Variants in RUNDC3A observed in about 807,000 individuals in gnomAD.
RUNDC3A encodes RUN domain containing 3A.
A neutral mutation model predicts 53.9 loss-of-function variants in RUNDC3A; 28 were observed. The ratio of observed to expected loss-of-function variants is 0.52; its 90% CI spans 0.38 to 0.71. The LOEUF (loss-of-function observed/expected upper bound fraction) is 0.71, where lower values mean the gene tolerates loss of function less well. Among genes scored for constraint, RUNDC3A ranks in the 30% least tolerant of loss-of-function variants. RUNDC3A has a pLI of 0.00. For missense variants in RUNDC3A, 491 were observed against 597.3 expected, an observed-to-expected ratio of 0.82 and a Z score of 1.85; for synonymous variants, 232 against 249.4, an observed-to-expected ratio of 0.93 and a Z score of 0.66.
intron 10 of RUNDC3A, 96 bp downstream of exon 10, chr17:44,316,821 T>TTA: frequency 1.2e-4 from 3 of 25,124 alleles, no homozygotes; most frequent in Non-Finnish European, 2.0e-4. Flanking sequence ...TCTCTTAGTC[T>TTA]TTTTTTTTTT....
At chr17:44,309,692 GC>G (rs2047713859) in intron 1 of RUNDC3A, among the ~76,000 whole-genome samples, 1 of 152,094 alleles carries the variant, frequency 6.6e-6, no homozygotes, top group African/African-American at 2.4e-5. Context: ...TCCCCCTGCA[GC>G]CCACACCTGC....
intron 10 of RUNDC3A, chr17:44,317,070 T>C: frequency 2.6e-6 from 1 of 380,250 alleles, no homozygotes; most frequent in Middle Eastern, 7.6e-4. Flanking sequence ...GGTCTCGAAC[T>C]CCTGACCTCA....
intron 4 of RUNDC3A, 57 bp downstream of exon 4, chr17:44,313,560 A>C: frequency 6.4e-7 from 1 of 1,566,864 alleles, no homozygotes. Flanking sequence ...GCATTGCCCA[A>C]ACACAGCTGA....
intron 10 of RUNDC3A, chr17:44,317,412 A>G: frequency 1.3e-6 from 1 of 780,014 alleles, no homozygotes; most frequent in East Asian, 2.4e-5. Context: ...TCCTTAGACT[A>G]ATTTGCTCTT....
Position 44,315,305 on chromosome 17 carries a change from C to T in RUNDC3A, c.780C>T (p.Ile260=). The T allele has an allele frequency of 6.7e-7, 1 of 1,481,596 alleles. No individual in the cohort carries two copies. The highest frequency in any genetic ancestry group is 9.0e-7 in the Non-Finnish European group (1 of 1,108,294). 91.8% of individuals were successfully genotyped at this position (1,481,596 alleles called of 1,614,324 possible). The part of the protein sequence containing the change: ...KWHKMEQKFR[I]VYAQKGYLEE... ...ACAAGATGGAGCAGAAGTTCCGCATCGTCTACGCGCAGAAGGTGCGCGACG... is the reference window on the plus strand; with the variant it reads ...ACAAGATGGAGCAGAAGTTCCGCATTGTCTACGCGCAGAAGGTGCGCGACG... The change falls in exon 7 of 11, where the codon ATC becomes ATT. Residue 260 remains isoleucine (I), a synonymous_variant. Coordinates refer to ENST00000426726, the MANE Select transcript of RUNDC3A (RefSeq NM_001144825.2). This position sits in a 1 kb window ranked among gnomAD's most constrained non-coding sequence, Gnocchi z 6.1.
Position 44,308,855 on chromosome 17 carries a change from C to T in RUNDC3A, c.23C>T (p.Thr8Ile), listed in dbSNP as rs1010495720. 1 of 1,610,900 alleles carries T rather than the reference C, an allele frequency of 6.2e-7. No individual in the cohort carries two copies. MEASFVQ[T>I]TMALGLSSKK... is the part of the protein sequence containing the mutation. The stretch of plus-strand genomic sequence containing the variant: ...TGGATGGAAGCGAGCTTTGTCCAGA[C>T]CACCATGGCTCTGGGGCTGTCCTCC... The change falls in exon 1 of 11, where the codon ACC becomes ATC. Residue 8 changes from threonine (T) to isoleucine (I), a missense_variant. Physicochemically the swap from Thr to Ile is moderately conservative, Grantham distance 89. Coordinates refer to ENST00000426726, the MANE Select transcript of RUNDC3A (RefSeq NM_001144825.2).
In RUNDC3A at chr17:44,318,207, C is replaced by T; in HGVS notation, c.1310C>T (p.Pro437Leu). 1 of 1,551,250 alleles carries T rather than the reference C, an allele frequency of 6.4e-7. No individual in the cohort carries two copies. The highest frequency in any genetic ancestry group is 8.7e-7 in the Non-Finnish European group (1 of 1,146,980). Residue 437 changes from proline to leucine, a missense_variant, in exon 11 of 11, where the codon CCC becomes CTC. By Grantham distance (98) the Pro-to-Leu change is moderately conservative (BLOSUM62 -3). Transcript: ENST00000426726. ...AACGAGTGCCTGGTGAGCGACAGTC[C>T]CGAGGGCAGCCCAGCACTGAGCCCC... ...KSNECLVSDS[P>L]EGSPALSPS
intron 10 of RUNDC3A, chr17:44,317,472 C>G (rs567472219): frequency 2.6e-6 from 2 of 780,784 alleles, no homozygotes; most frequent in African/African-American, 3.4e-5. Context: ...TCCCCCTTCT[C>G]TTTGGCTGCC....
intron 1 of RUNDC3A, among the ~76,000 whole-genome samples, chr17:44,309,233 G>C (rs902475213): frequency 2.0e-5 from 3 of 152,084 alleles, no homozygotes; most frequent in Non-Finnish European, 2.9e-5. Flanking sequence ...GAGGGGGAAG[G>C]GGGTGGGGAT....
At position 44,315,110 on chromosome 17, in the gene RUNDC3A, G is replaced by T. The variant is rs965394422; in HGVS notation, c.630-45G>T. The T allele has an allele frequency of 9.4e-6, 15 of 1,602,224 alleles. No homozygotes were observed. Among genetic ancestry groups the T allele is most frequent in the Non-Finnish European group, 1.3e-5 (15 of 1,174,086 alleles). On this transcript the variant is annotated intron_variant, in intron 6 of 10. Coordinates refer to ENST00000426726, the MANE Select transcript of RUNDC3A (RefSeq NM_001144825.2). This position sits in a 1 kb window ranked among gnomAD's most constrained non-coding sequence, Gnocchi z 6.1. Reference sequence around the variant, plus strand: ...CCTCAGCGGCCAGCGCAGACGCGCGGGGGGAGGGGCGGGACCGGCCGTGCC... The same window carrying T: ...CCTCAGCGGCCAGCGCAGACGCGCGTGGGGAGGGGCGGGACCGGCCGTGCC...
chr17:44,309,550 G>A (rs1040281714), intron 1 of RUNDC3A, among the ~76,000 whole-genome samples: 61 of 152,214 alleles, frequency 4.0e-4, no homozygotes, highest in African/African-American at 1.3e-3. Context: ...AGGGTGGAAC[G>A]GTTGCAGGGT....
chr17:44,312,453 T>C, intron 1 of RUNDC3A, 127 bp from the exon 2 acceptor site: 1 of 631,068 alleles, frequency 1.6e-6, no homozygotes, highest in Non-Finnish European at 2.9e-6. Flanking sequence ...CCCCACTCGC[T>C]CTGCCCCCCA....
chr17:44,313,896 C>G (rs568817345), intron 4 of RUNDC3A: 1 of 898,218 alleles, frequency 1.1e-6, no homozygotes, highest in Non-Finnish European at 1.3e-6. Context: ...TCTCAAACTC[C>G]CAACCTCAGG....
intron 3 of RUNDC3A, 43 bp from the exon 4 acceptor site, chr17:44,313,375 G>A (rs1350134915): frequency 2.5e-6 from 4 of 1,613,036 alleles, no homozygotes; most frequent in Non-Finnish European, 3.4e-6. Context: ...CTGGACACAT[G>A]AGTCCCTCTG....
intron 4 of RUNDC3A, 175 bp downstream of exon 4, chr17:44,313,678 C>CTTTTTT (rs1173378367): frequency 5.5e-6 from 6 of 1,082,692 alleles, no homozygotes; most frequent in Non-Finnish European, 5.7e-6. Context: ...AGGACGAACT[C>CTTTTTT]TTTTTTTTTT....
chr17:44,317,620 C>T, intron 10 of RUNDC3A: 1 of 753,968 alleles, frequency 1.3e-6, no homozygotes, highest in Non-Finnish European at 2.5e-6. Flanking sequence ...AATATCCTGT[C>T]TTTTCTTTTT....
In RUNDC3A at chr17:44,315,069, G is replaced by T; in HGVS notation, c.629+60G>T. On this transcript the variant is annotated intron_variant, in intron 6 of 10. Transcript: ENST00000426726. The surrounding 1 kb of genome is among the most constrained non-coding windows in gnomAD (Gnocchi z 6.1). ...CGGGGCCTCGGGACATCCTGGGGAC[G>T]TCCTGGTCCCACCGCCCTCAGCGGC... 6.2e-7 allele frequency: 1 copy of T among 1,609,670 alleles called. No individual in the cohort carries two copies. The highest frequency in any genetic ancestry group is 8.5e-7 in the Non-Finnish European group (1 of 1,178,190).
chr17:44,314,685 G>GC, intron 4 of RUNDC3A, 50 bp from the exon 5 acceptor site: 1 of 1,217,534 alleles, frequency 8.2e-7, no homozygotes, highest in Non-Finnish European at 1.1e-6. Context: ...GGGGGGGGGG[G>GC]GGGCGCTCCA....
chr17:44,317,879 CAG>C (rs1264671376), intron 10 of RUNDC3A: 11 of 594,830 alleles, frequency 1.8e-5, no homozygotes, highest in Middle Eastern at 3.8e-4. Flanking sequence ...CACGGGGAGA[CAG>C]AGACATCAAC....
Sources: allele counts gnomAD v4.1 joint callset (sites outside exome capture counted in the v4.1 genomes callset), GRCh38; gene constraint gnomAD v4.1.1; non-coding constraint Gnocchi (gnomAD v3.1); transcripts MANE v1.5; gene names NCBI Gene and HGNC (gene_info 2026-07-23, HGNC 2026-07-21).